The following ELMO1 variants were observed in gnomAD, a reference collection of about 807,000 sequenced individuals.
The protein encoded by ELMO1 is engulfment and cell motility 1.
ELMO1 carries 26 observed loss-of-function variants against 98.9 expected under a neutral mutation model. The observed-to-expected ratio is 0.26, with a 90% CI of 0.19 to 0.36. ELMO1 has a LOEUF of 0.36. Ranked by LOEUF, ELMO1 falls within the 10% of genes least tolerant of loss-of-function variation. The pLI is 1.00. For synonymous variants in ELMO1, 346 were observed against 346.0 expected (o/e 1.00, Z 0.00); for missense variants, 627 against 935.2 (o/e 0.67, Z 4.30).
intron 15 of ELMO1, among the ~76,000 whole-genome samples, chr7:37,032,016 C>G (rs543895865): frequency 6.6e-6 from 1 of 152,150 alleles, no homozygotes; most frequent in East Asian, 1.9e-4. Context: ...CCAGGAAGCG[C>G]GCCCTTCCAG....
intron 16 of ELMO1, among the ~76,000 whole-genome samples, chr7:36,964,851 TG>T (rs1789275936): frequency 6.6e-6 from 1 of 152,334 alleles, no homozygotes; most frequent in South Asian, 2.1e-4. Context: ...AGTCATAAGA[TG>T]TTTAATAATA....
chr7:37,309,126 A>T (rs1583513801), intron 4 of ELMO1, among the ~76,000 whole-genome samples: 1 of 152,224 alleles, frequency 6.6e-6, no homozygotes, highest in Admixed American at 6.5e-5. Flanking sequence ...TAATTTATAA[A>T]GAAAAAGAGG....
chr7:37,130,549 T>C (rs1212922985), intron 14 of ELMO1, among the ~76,000 whole-genome samples: 1 of 150,970 alleles, frequency 6.6e-6, no homozygotes, highest in African/African-American at 2.4e-5. Flanking sequence ...AGACAAAGGA[T>C]GAGGAAAGTG....
chr7:37,312,465 T>C (rs760776419), intron 4 of ELMO1, among the ~76,000 whole-genome samples: 5 of 152,174 alleles, frequency 3.3e-5, no homozygotes, highest in Non-Finnish European at 7.3e-5. Context: ...TCCAACTCTT[T>C]AGAAAATAGG....
intron 15 of ELMO1, among the ~76,000 whole-genome samples, chr7:37,077,497 T>A (rs924401298): frequency 6.6e-6 from 1 of 152,120 alleles, no homozygotes; most frequent in African/African-American, 2.4e-5. Flanking sequence ...TAGACAGGTC[T>A]GACAATGCTG....
At chr7:36,882,194 G>A (rs1031358888) in intron 18 of ELMO1, among the ~76,000 whole-genome samples, 7 of 152,220 alleles carry the variant, frequency 4.6e-5, no homozygotes, top group African/African-American at 1.7e-4. Context: ...CCTGTATTAG[G>A]GAGGAGAACA....
At chr7:37,103,222 C>T (rs536283751) in intron 14 of ELMO1, among the ~76,000 whole-genome samples, 2 of 152,094 alleles carry the variant, frequency 1.3e-5, no homozygotes, top group Non-Finnish European at 2.9e-5. Flanking sequence ...ATATTCTTAT[C>T]GCTCTTGGGA....
intron 1 of ELMO1, among the ~76,000 whole-genome samples, chr7:37,362,234 A>AT (rs75702393): frequency 0.25 from 37,811 of 151,346 alleles, 5,201 homozygotes; most frequent in East Asian, 0.59. Flanking sequence ...ATATATATAT[A>AT]ATTTCTCCGT....
chr7:37,062,863 C>G (rs1234362204), intron 15 of ELMO1, among the ~76,000 whole-genome samples: 1 of 152,104 alleles, frequency 6.6e-6, no homozygotes, highest in African/African-American at 2.4e-5. Flanking sequence ...GAGGAAAAGA[C>G]AGTTGCATGA....
chr7:37,404,856 C>G (rs1185382314), intron 1 of ELMO1, among the ~76,000 whole-genome samples: 1 of 152,184 alleles, frequency 6.6e-6, no homozygotes, highest in African/African-American at 2.4e-5. Context: ...AACAAAATAT[C>G]CAGTTTTTAA....
intron 1 of ELMO1, among the ~76,000 whole-genome samples, chr7:37,377,902 T>C (rs1432158093): frequency 6.6e-6 from 1 of 152,182 alleles, no homozygotes; most frequent in Non-Finnish European, 1.5e-5. Flanking sequence ...TAAATTGGTA[T>C]ATAAATTTAC....
At chr7:37,018,126 C>CCA (rs1198417350) in intron 15 of ELMO1, among the ~76,000 whole-genome samples, 3 of 137,360 alleles carry the variant, frequency 2.2e-5, no homozygotes, top group Non-Finnish European at 3.1e-5. Flanking sequence ...CTATTAGTTA[C>CCA]TATTTTTTTT....
At chr7:37,167,624 C>G (rs1466257515) in intron 13 of ELMO1, among the ~76,000 whole-genome samples, 1 of 151,840 alleles carries the variant, frequency 6.6e-6, no homozygotes, top group African/African-American at 2.4e-5. Flanking sequence ...ATATGAAATT[C>G]TGGGTTGAAA....
chr7:37,244,004 G>C (rs1794878104), intron 7 of ELMO1, among the ~76,000 whole-genome samples: 2 of 152,054 alleles, frequency 1.3e-5, no homozygotes, highest in Admixed American at 6.6e-5. Flanking sequence ...AAAGACTTTT[G>C]ACTTTGAACA....
chr7:37,194,079 A>G (rs1034201296), intron 13 of ELMO1, among the ~76,000 whole-genome samples: 6 of 152,210 alleles, frequency 3.9e-5, no homozygotes, highest in African/African-American at 1.4e-4. Context: ...CCCATGTGTC[A>G]CACACTCGAT....
intron 14 of ELMO1, among the ~76,000 whole-genome samples, chr7:37,101,137 G>A (rs1351418769): frequency 6.6e-6 from 1 of 152,198 alleles, no homozygotes; most frequent in Non-Finnish European, 1.5e-5. Context: ...CTGATGACAG[G>A]CTTCTAGGGA....
At chr7:37,431,710 G>A (rs1804938993) in intron 1 of ELMO1, among the ~76,000 whole-genome samples, 1 of 152,132 alleles carries the variant, frequency 6.6e-6, no homozygotes, top group East Asian at 1.9e-4. Context: ...CTTTTACCAG[G>A]GTAACTGTGC....
At chr7:37,301,538 G>C (rs1194509141) in intron 4 of ELMO1, among the ~76,000 whole-genome samples, 1 of 151,912 alleles carries the variant, frequency 6.6e-6, no homozygotes, top group Admixed American at 6.6e-5. Flanking sequence ...AGACAGTAAA[G>C]AGCTGCAGTT....
At chr7:37,187,944 C>T (rs985712476) in intron 13 of ELMO1, among the ~76,000 whole-genome samples, 1 of 152,054 alleles carries the variant, frequency 6.6e-6, no homozygotes, top group African/African-American at 2.4e-5. Flanking sequence ...ATCTAAAGGA[C>T]TCCAGTTAGT....
Sources: allele counts gnomAD v4.1 joint callset (sites outside exome capture counted in the v4.1 genomes callset), GRCh38; gene constraint gnomAD v4.1.1; transcripts MANE v1.5; gene names NCBI Gene and HGNC (gene_info 2026-07-23, HGNC 2026-07-21).